The following FRMD6 variants were observed in gnomAD, a reference collection of about 807,000 sequenced individuals.
FRMD6 encodes FERM domain-containing protein 6.
Under a neutral mutation model 73.2 loss-of-function variants are expected in FRMD6, and 37 were observed. The observed-to-expected ratio is 0.51, with a 90% CI of 0.39 to 0.66. The LOEUF is 0.66. Among genes scored for constraint, FRMD6 ranks in the 30% least tolerant of loss-of-function variants. FRMD6 has a pLI of 0.00. For missense variants in FRMD6, 714 were observed against 780.5 expected (o/e 0.91, Z 1.02); for synonymous variants, 273 against 282.2 (o/e 0.97, Z 0.33).
chr14:51,589,204 C>T (rs1187122161), intron 2 of FRMD6, among the ~76,000 whole-genome samples: 1 of 152,142 alleles, frequency 6.6e-6, no homozygotes, highest in East Asian at 1.9e-4. Context: ...CATTATCAAT[C>T]CCATTTTACA....
intron 1 of FRMD6, among the ~76,000 whole-genome samples, chr14:51,656,162 T>C (rs1007883007): frequency 6.6e-6 from 1 of 152,356 alleles, no homozygotes; most frequent in East Asian, 1.9e-4. Flanking sequence ...CAAGTTTGTG[T>C]ATGATCACTT....
intron 1 of FRMD6, among the ~76,000 whole-genome samples, chr14:51,528,321 C>T (rs757630875): frequency 2.0e-5 from 3 of 152,142 alleles, no homozygotes; most frequent in Admixed American, 6.5e-5. Context: ...AGTAATACTA[C>T]AATGTGAAGC....
intron 2 of FRMD6, among the ~76,000 whole-genome samples, chr14:51,583,333 A>C (rs1172154996): frequency 6.6e-6 from 1 of 152,222 alleles, no homozygotes; most frequent in East Asian, 1.9e-4. Flanking sequence ...GTTTAGGAAT[A>C]GCTGCTGTAA....
At chr14:51,446,554 GA>G in the FRMD6 span, among the ~76,000 whole-genome samples, 1 of 151,992 alleles carries the variant, frequency 6.6e-6, no homozygotes, top group African/African-American at 2.4e-5. Flanking sequence ...TGAGTTGGAT[GA>G]TTTGGAAACC....
At chr14:51,417,833 G>A in the FRMD6 span, among the ~76,000 whole-genome samples, 10 of 152,170 alleles carry the variant, frequency 6.6e-5, no homozygotes, top group Non-Finnish European at 1.3e-4. Context: ...CATATTTCTT[G>A]GAGGCTTTGT....
chr14:51,455,262 T>C, the FRMD6 span, among the ~76,000 whole-genome samples: 2 of 152,242 alleles, frequency 1.3e-5, no homozygotes, highest in South Asian at 2.1e-4. Flanking sequence ...GGCATACTAA[T>C]TCACATCCCA....
At chr14:51,430,864 T>C in the FRMD6 span, among the ~76,000 whole-genome samples, 1 of 152,200 alleles carries the variant, frequency 6.6e-6, no homozygotes, top group African/African-American at 2.4e-5. Flanking sequence ...GGGATGCTTC[T>C]TATGGACTTA....
intron 1 of FRMD6, among the ~76,000 whole-genome samples, chr14:51,525,639 A>G (rs1885209812): frequency 6.6e-6 from 1 of 152,006 alleles, no homozygotes; most frequent in Non-Finnish European, 1.5e-5. Flanking sequence ...CTTAATTTGA[A>G]TCCCTAGTAA....
the FRMD6 span, among the ~76,000 whole-genome samples, chr14:51,467,697 G>A: frequency 3.4e-4 from 51 of 151,900 alleles, no homozygotes; most frequent in Non-Finnish European, 6.2e-4. Context: ...ATGGGGTCGC[G>A]GCCTGGCAGA....
intron 2 of FRMD6, among the ~76,000 whole-genome samples, chr14:51,626,199 G>A (rs906770284): frequency 6.6e-6 from 1 of 152,210 alleles, no homozygotes; most frequent in Admixed American, 6.5e-5. Flanking sequence ...TGGAGGCCAT[G>A]ATCCATAGCA....
At chr14:51,597,443 T>C (rs751854943) in intron 2 of FRMD6, among the ~76,000 whole-genome samples, 3 of 152,082 alleles carry the variant, frequency 2.0e-5, no homozygotes, top group Non-Finnish European at 2.9e-5. Flanking sequence ...AGGGACCAGA[T>C]GTGGAGGCTT....
rs1898199649 is a variant in FRMD6, at chr14:51,730,494, C to T, written c.*2465C>T. 1 of 152,538 alleles carries T rather than the reference C, an allele frequency of 6.6e-6. No individual in the cohort carries two copies. The highest frequency in any genetic ancestry group is 2.1e-4 in the South Asian group (1 of 4,828). The allele number at this position is 152,538 out of a possible 1,614,324, so 9.4% of individuals were successfully genotyped here. The stretch of plus-strand genomic sequence containing the variant: ...TATTCTGCATTTCTTACATATCTAT[C>T]GCTTGTCAGTATACCCGTTTTGGTA... On this transcript the variant is annotated 3_prime_UTR_variant, in exon 14 of 14. Transcript: ENST00000344768.
intron 2 of FRMD6, among the ~76,000 whole-genome samples, chr14:51,631,622 G>A (rs10444715): frequency 0.26 from 39,873 of 151,928 alleles, 5,854 homozygotes; most frequent in African/African-American, 0.41. Context: ...ACCATTGTCA[G>A]CACAGCTTCT....
chr14:51,668,465 T>C, intron 1 of FRMD6, among the ~76,000 whole-genome samples: 1 of 150,934 alleles, frequency 6.6e-6, no homozygotes, highest in African/African-American at 2.4e-5. Context: ...ACTACCATGC[T>C]CGGCTAATTT....
intron 6 of FRMD6, among the ~76,000 whole-genome samples, chr14:51,705,568 T>G (rs548588639): frequency 2.0e-5 from 3 of 152,236 alleles, no homozygotes; most frequent in East Asian, 3.9e-4. Flanking sequence ...ACATGTTTGG[T>G]TCTCACCCAC....
intron 2 of FRMD6, among the ~76,000 whole-genome samples, chr14:51,631,608 C>G (rs369523785): frequency 7.2e-5 from 11 of 152,134 alleles, no homozygotes; most frequent in Non-Finnish European, 1.3e-4. Context: ...CACTTTTTCT[C>G]TTTACCATTG....
the FRMD6 span, among the ~76,000 whole-genome samples, chr14:51,452,509 A>C: frequency 6.6e-6 from 1 of 152,220 alleles, no homozygotes; most frequent in Admixed American, 6.5e-5. Context: ...ATATTGACTG[A>C]GGTGCCAGTG....
At chr14:51,590,666 C>A (rs921839006) in intron 2 of FRMD6, among the ~76,000 whole-genome samples, 1 of 152,164 alleles carries the variant, frequency 6.6e-6, no homozygotes, top group African/African-American at 2.4e-5. Flanking sequence ...TTACAAAAGA[C>A]AGTGAGGTGA....
chr14:51,570,131 C>T (rs1596624631), intron 1 of FRMD6, among the ~76,000 whole-genome samples: 1 of 152,062 alleles, frequency 6.6e-6, no homozygotes, highest in Non-Finnish European at 1.5e-5. Flanking sequence ...CCACCGTGCC[C>T]GGCGGAGAAT....
Sources: allele counts gnomAD v4.1 joint callset (sites outside exome capture counted in the v4.1 genomes callset), GRCh38; gene constraint gnomAD v4.1.1; transcripts MANE v1.5; gene names NCBI Gene and HGNC (gene_info 2026-07-23, HGNC 2026-07-21).